Variants in TAF8 observed in about 807,000 individuals in gnomAD.
TAF8 encodes transcription initiation factor TFIID subunit 8.
TAF8 carries 47 observed loss-of-function variants against 36.5 expected under a neutral mutation model. That is an observed-to-expected ratio of 1.29 (90% CI 1.02 to 1.64). The LOEUF (loss-of-function observed/expected upper bound fraction) is 1.64. Ranked by LOEUF, TAF8 falls within the 40% of genes most tolerant of loss-of-function variation. The pLI is 0.00. For missense variants in TAF8, 420 were observed against 407.6 expected, an observed-to-expected ratio of 1.03 and a Z score of -0.26; for synonymous variants, 175 against 159.5, an observed-to-expected ratio of 1.10 and a Z score of -0.73.
chr6:42,080,234 TC>T lies in TAF8; in HGVS notation c.*2690del. On this transcript the variant is annotated 3_prime_UTR_variant, in exon 9 of 9. Transcript: ENST00000372977. ...GGGAGGTGTTGTCCCAGTCAGTGTT[TC>T]TGCAGCTTCCATTTGTTGTTGTTAT... The T allele has an allele frequency of 1.0e-6, 1 of 985,570 alleles. No homozygotes were observed. Among genetic ancestry groups the T allele is most frequent in the Non-Finnish European group, 1.2e-6 (1 of 830,046 alleles). 61.1% of individuals were successfully genotyped at this position (985,570 alleles called of 1,614,324 possible).
downstream of TAF8, chr6:42,083,420 G>A (rs1765976166): frequency 6.6e-6 from 1 of 152,190 alleles, no homozygotes; most frequent in African/African-American, 2.4e-5. Context: ...GGTGTCCATT[G>A]AATCTGGACA....
chr6:42,077,448 C>A (rs369752390), intron 8 of TAF8, 85 bp from the exon 9 acceptor site: 67 of 1,583,228 alleles, frequency 4.2e-5, no homozygotes, highest in Non-Finnish European at 5.5e-5. Context: ...AGGGACCAAC[C>A]CTCACAGCAC....
Position 42,071,141 on chromosome 6 carries a change from A to G in TAF8, c.780+2534A>G, listed in dbSNP as rs539372964. On this transcript the variant is annotated intron_variant, in intron 7 of 8. Coordinates refer to ENST00000372977, the MANE Select transcript of TAF8 (RefSeq NM_138572.3). ...TATAGTCAGGTTGCCATATTCAACCATCCTTTAAAATCAGCACTAGTTTGG... is the reference window on the plus strand; with the variant it reads ...TATAGTCAGGTTGCCATATTCAACCGTCCTTTAAAATCAGCACTAGTTTGG... Among the ~76,000 whole-genome samples the G allele has an allele frequency of 1.9e-3, 288 of 152,178 alleles. 2 individuals carry two copies. Among genetic ancestry groups the G allele is most frequent in the African/African-American group, 6.6e-3 (275 of 41,516 alleles).
At chr6:42,073,908 G>A (rs1765669178) in intron 7 of TAF8, among the ~76,000 whole-genome samples, 1 of 152,202 alleles carries the variant, frequency 6.6e-6, no homozygotes, top group Non-Finnish European at 1.5e-5. Context: ...GGTTGCCACA[G>A]AGGTGGTGGA....
At chr6:42,072,923 C>T (rs1368685995) in intron 7 of TAF8, among the ~76,000 whole-genome samples, 7 of 151,710 alleles carry the variant, frequency 4.6e-5, no homozygotes, top group African/African-American at 1.7e-4. Context: ...CGGGGTTTCA[C>T]CGTGTTAGCC....
In TAF8 at chr6:42,080,075, C is replaced by G. The variant is rs115210360; in HGVS notation, c.*2530C>G. 2.0e-6 allele frequency: 2 copies of G among 985,108 alleles called. No individual in the cohort carries two copies. Among genetic ancestry groups the G allele is most frequent in the Non-Finnish European group, 2.4e-6 (2 of 829,910 alleles). The allele number at this position is 985,108 out of a possible 1,614,324, so 61.0% of individuals were successfully genotyped here. A position where few individuals can be genotyped will look rare whatever the true frequency, so the allele number is the denominator to read the frequency against. The stretch of plus-strand genomic sequence containing the variant: ...GTAGTAACGTGAAACTCTCCTAGAT[C>G]GAAGCAGTTAGACTGGCCTATGTGG... On this transcript the variant is annotated 3_prime_UTR_variant, in exon 9 of 9. Transcript: ENST00000372977.
At chr6:42,052,319 C>G (rs1425808782) in intron 2 of TAF8, among the ~76,000 whole-genome samples, 8 of 59,286 alleles carry the variant, frequency 1.3e-4, no homozygotes, top group African/African-American at 6.4e-4. Context: ...GGGGAAAAGC[C>G]CCCCCCCCCT....
rs943294753 is a variant in TAF8 at position 42,059,252 on chromosome 6, G to A, written c.489+1739G>A. The stretch of plus-strand genomic sequence containing the variant: ...CAAAAAATCAGCCGGGCATGGTGGC[G>A]GGCACCTGTAGTCCTAGCTACTTGG... On this transcript the variant is annotated intron_variant, in intron 5 of 8. Transcript: ENST00000372977. Among the ~76,000 whole-genome samples, 6 of 151,994 alleles carry A rather than the reference G, an allele frequency of 3.9e-5. No homozygotes were observed. The South Asian group carries it at 8.3e-4, about 21-fold the overall frequency.
Position 42,079,715 on chromosome 6 carries a change from A to ATTTTTT in TAF8, c.*2183_*2188dup. 6.9e-6 allele frequency: 3 copies of ATTTTTT among 433,110 alleles called. No homozygotes were observed. Among genetic ancestry groups the ATTTTTT allele is most frequent in the Non-Finnish European group, 9.0e-6 (3 of 333,072 alleles). The allele number at this position is 433,110 out of a possible 1,614,324, so 26.8% of individuals were successfully genotyped here. On this transcript the variant is annotated 3_prime_UTR_variant, in exon 9 of 9. Transcript: ENST00000372977. ...AGATGCCCGCCACCACATCTGGCTA[A>ATTTTTT]TTTTTTTTTTTTTTTTTTAGTAGAC... is the stretch of plus-strand genomic sequence containing the variant.
chr6:42,051,506 G>T lies in TAF8; in HGVS notation c.195G>T (p.Leu65=), dbSNP rs759270275. 9.3e-6 allele frequency: 15 copies of T among 1,613,798 alleles called. No individual in the cohort carries two copies. The African/African-American group carries it at 2.0e-4, about 22-fold the overall frequency. Reference sequence around the variant, plus strand: ...CCGTGGAAACGCTGACAGAGATGCTGCAGAGCTGTGAGTACATGGAAACAC... The same window carrying T: ...CCGTGGAAACGCTGACAGAGATGCTTCAGAGCTGTGAGTACATGGAAACAC... ...KASVETLTEM[L]QSYISEIGRS... is the part of the protein sequence containing the mutation. The change falls in exon 2 of 9, where the codon CTG becomes CTT. Residue 65 remains leucine (L), a synonymous_variant. Transcript: ENST00000372977.
chr6:42,067,685 A>C (rs1429545935), intron 6 of TAF8, among the ~76,000 whole-genome samples: 1 of 151,906 alleles, frequency 6.6e-6, no homozygotes, highest in East Asian at 1.9e-4. Context: ...CTCCCACCTC[A>C]GCCTCCCTAG....
At chr6:42,084,236 G>A (rs1765994183), downstream of TAF8, among the ~76,000 whole-genome samples, 2 of 150,842 alleles carry the variant, frequency 1.3e-5, no homozygotes, top group African/African-American at 2.4e-5. Context: ...CCTGGTAGAC[G>A]AGTTTCCATT....
At chr6:42,075,444 C>T (rs754616274) in intron 7 of TAF8, among the ~76,000 whole-genome samples, 5 of 152,152 alleles carry the variant, frequency 3.3e-5, no homozygotes, top group East Asian at 1.9e-4. Flanking sequence ...GGAGAGGGCA[C>T]GCAGGGGAAC....
chr6:42,057,546 G>A (rs1396303485), intron 5 of TAF8, 33 bp downstream of exon 5: 2 of 1,612,722 alleles, frequency 1.2e-6, no homozygotes, highest in South Asian at 1.1e-5. Context: ...TGCGCGTGGT[G>A]TAAAGCACGG....
intron 5 of TAF8, among the ~76,000 whole-genome samples, chr6:42,061,950 G>A (rs2493832): frequency 0.76 from 116,249 of 152,074 alleles, 44,530 homozygotes; most frequent in East Asian, 0.82. Context: ...AAATTTTTTT[G>A]TAAAGAAAAA....
intron 7 of TAF8, among the ~76,000 whole-genome samples, chr6:42,072,371 A>G (rs1291393875): frequency 6.6e-6 from 1 of 152,204 alleles, no homozygotes; most frequent in Non-Finnish European, 1.5e-5. Context: ...AGTGTGCAAA[A>G]AGATGTATGG....
At chr6:42,086,092 C>T (rs187410735), downstream of TAF8, among the ~76,000 whole-genome samples, 29 of 152,320 alleles carry the variant, frequency 1.9e-4, no homozygotes, top group African/African-American at 6.5e-4. Context: ...GGCTTCCCAG[C>T]GTCCAGCACT....
At chr6:42,085,877 C>T (rs987705148), downstream of TAF8, among the ~76,000 whole-genome samples, 4 of 151,488 alleles carry the variant, frequency 2.6e-5, no homozygotes, top group Non-Finnish European at 5.9e-5. Flanking sequence ...CCCAGCTACT[C>T]GGGAGGCTGA....
chr6:42,084,478 C>T (rs371817154), downstream of TAF8, among the ~76,000 whole-genome samples: 4 of 152,004 alleles, frequency 2.6e-5, no homozygotes, highest in African/African-American at 9.7e-5. Flanking sequence ...CTCACCCTGT[C>T]CCCAGGCTGG....
Sources: allele counts gnomAD v4.1 joint callset (sites outside exome capture counted in the v4.1 genomes callset), GRCh38; gene constraint gnomAD v4.1.1; transcripts MANE v1.5; gene names NCBI Gene and HGNC (gene_info 2026-07-23, HGNC 2026-07-21).